The following RIMS1 variants were observed in gnomAD, a reference collection of about 807,000 sequenced individuals.
RIMS1 encodes regulating synaptic membrane exocytosis 1.
RIMS1 carries 83 observed loss-of-function variants against 214.1 expected under a neutral mutation model. The ratio of observed to expected loss-of-function variants is 0.39; its 90% CI spans 0.32 to 0.47. The LOEUF (loss-of-function observed/expected upper bound fraction) is 0.47. Ranked by LOEUF, RIMS1 falls within the 20% of genes least tolerant of loss-of-function variation. The pLI is 0.99. For synonymous variants in RIMS1, 793 were observed against 786.8 expected, an observed-to-expected ratio of 1.01 and a Z score of -0.13; for missense variants, 2,050 against 2,161.8, an observed-to-expected ratio of 0.95 and a Z score of 1.03.
At chr6:72,013,919 T>C (rs1467352565) in intron 2 of RIMS1, among the ~76,000 whole-genome samples, 1 of 152,220 alleles carries the variant, frequency 6.6e-6, no homozygotes, top group African/African-American at 2.4e-5. Context: ...TAACCACTAA[T>C]CTACTTTCTG....
chr6:72,122,803 C>G (rs1318463880), intron 4 of RIMS1, among the ~76,000 whole-genome samples: 2 of 151,826 alleles, frequency 1.3e-5, no homozygotes, highest in African/African-American at 4.8e-5. Context: ...GTTTGTATTT[C>G]TGTGGGATCA....
chr6:72,112,405 C>T (rs1250188244), intron 4 of RIMS1, among the ~76,000 whole-genome samples: 1 of 152,076 alleles, frequency 6.6e-6, no homozygotes, highest in Non-Finnish European at 1.5e-5. Flanking sequence ...CATCTCTGCT[C>T]AGAACCCTCC....
intron 29 of RIMS1, among the ~76,000 whole-genome samples, chr6:72,387,370 G>T (rs763717351): frequency 6.6e-6 from 1 of 152,170 alleles, no homozygotes; most frequent in Admixed American, 6.5e-5. Flanking sequence ...ATCTCATGCT[G>T]TCTTGGATAA....
intron 6 of RIMS1, among the ~76,000 whole-genome samples, chr6:72,231,918 G>A (rs2062110625): frequency 6.6e-6 from 1 of 151,550 alleles, no homozygotes; most frequent in Admixed American, 6.6e-5. Flanking sequence ...GCGAAACAAG[G>A]GGTTGAACCG....
intron 28 of RIMS1, 66 bp from the exon 29 acceptor site, chr6:72,333,534 T>A (rs2154341978): frequency 8.0e-7 from 1 of 1,248,050 alleles, no homozygotes; most frequent in Non-Finnish European, 1.1e-6. Context: ...TAAATTAGAT[T>A]TAGAATTTCA....
chr6:71,907,737 C>T (rs986761750), intron 1 of RIMS1, among the ~76,000 whole-genome samples: 3 of 152,082 alleles, frequency 2.0e-5, no homozygotes, highest in Non-Finnish European at 4.4e-5. Context: ...TCCATAATAC[C>T]GCTTATATGT....
intron 2 of RIMS1, among the ~76,000 whole-genome samples, chr6:72,080,759 C>T (rs1185012285): frequency 6.6e-6 from 1 of 152,170 alleles, no homozygotes; most frequent in Non-Finnish European, 1.5e-5. Flanking sequence ...TGCCAAGCCC[C>T]TCTCTCTGTA....
At position 72,369,248 on chromosome 6, in the gene RIMS1, C is replaced by G. The variant is rs115195814; in HGVS notation, c.4367-21350C>G. ...ACCAATTGAAATAAGAAGGGAGGAA[C>G]AGGTAGAGGAGATAAGGCAGTTAAG... On this transcript the variant is annotated intron_variant, in intron 29 of 33. Coordinates refer to ENST00000521978, the MANE Select transcript of RIMS1 (RefSeq NM_014989.7). Among the ~76,000 whole-genome samples, 535 of 151,516 alleles carry G rather than the reference C, an allele frequency of 3.5e-3. 4 individuals carry two copies. The highest frequency in any genetic ancestry group is 0.013 in the African/African-American group (523 of 41,280).
intron 29 of RIMS1, among the ~76,000 whole-genome samples, chr6:72,361,711 T>C (rs964952745): frequency 1.6e-4 from 24 of 152,232 alleles, no homozygotes; most frequent in African/African-American, 5.5e-4. Flanking sequence ...CTCTAGTGGC[T>C]GCCCACATTC....
At chr6:71,957,168 G>A (rs752261033) in intron 1 of RIMS1, among the ~76,000 whole-genome samples, 6 of 152,062 alleles carry the variant, frequency 3.9e-5, no homozygotes, top group Admixed American at 1.3e-4. Flanking sequence ...AGAGTAATTA[G>A]GTCTCTGGAA....
At chr6:72,008,387 C>T (rs544999075) in intron 2 of RIMS1, among the ~76,000 whole-genome samples, 4 of 152,206 alleles carry the variant, frequency 2.6e-5, no homozygotes, top group South Asian at 2.1e-4. Context: ...TTGTAAAGAC[C>T]GTCGAGGCTA....
intron 4 of RIMS1, among the ~76,000 whole-genome samples, chr6:72,175,008 ACTCATT>A (rs1441780378): frequency 6.6e-6 from 1 of 152,026 alleles, no homozygotes; most frequent in East Asian, 1.9e-4. Flanking sequence ...ACCAAAGAGA[ACTCATT>A]CTCATTTATT....
intron 6 of RIMS1, among the ~76,000 whole-genome samples, chr6:72,200,857 TTGTGTGTG>T (rs70994114): frequency 0.19 from 27,463 of 146,128 alleles, 2,836 homozygotes; most frequent in Non-Finnish European, 0.25. Context: ...AAGGACACAA[TTGTGTGTG>T]TGTGTGTGTG....
At chr6:72,341,847 A>G (rs1168989763) in intron 29 of RIMS1, among the ~76,000 whole-genome samples, 1 of 151,814 alleles carries the variant, frequency 6.6e-6, no homozygotes, top group African/African-American at 2.4e-5. Context: ...ATTATTTATT[A>G]TATCATTAAC....
intron 6 of RIMS1, among the ~76,000 whole-genome samples, chr6:72,230,074 C>A (rs896703561): frequency 6.6e-6 from 1 of 151,734 alleles, no homozygotes; most frequent in South Asian, 2.1e-4. Flanking sequence ...TTAAGAGGTT[C>A]AGGAAATACC....
intron 29 of RIMS1, among the ~76,000 whole-genome samples, chr6:72,352,237 C>A (rs1008005254): frequency 1.3e-5 from 2 of 152,210 alleles, no homozygotes; most frequent in African/African-American, 2.4e-5. Flanking sequence ...CTAATTCACT[C>A]ATCCACAGGG....
chr6:71,939,992 T>G (rs1394667997), intron 1 of RIMS1, among the ~76,000 whole-genome samples: 1 of 152,238 alleles, frequency 6.6e-6, no homozygotes, highest in Non-Finnish European at 1.5e-5. Context: ...TTCTCTGATT[T>G]TTAATTTCCT....
chr6:72,266,226 A>G, intron 22 of RIMS1, 177 bp downstream of exon 22: 2 of 647,786 alleles, frequency 3.1e-6, no homozygotes. Flanking sequence ...GTATGTGGAT[A>G]AACCCAAGGG....
chr6:72,007,068 C>A (rs975462749), intron 2 of RIMS1, among the ~76,000 whole-genome samples: 1 of 152,102 alleles, frequency 6.6e-6, no homozygotes, highest in Non-Finnish European at 1.5e-5. Context: ...ACTGGGAGGC[C>A]CCCCCAAGTA....
Sources: allele counts gnomAD v4.1 joint callset (sites outside exome capture counted in the v4.1 genomes callset), GRCh38; gene constraint gnomAD v4.1.1; transcripts MANE v1.5; gene names NCBI Gene and HGNC (gene_info 2026-07-23, HGNC 2026-07-21).